Variants in PTPRT observed in about 807,000 individuals in gnomAD.
PTPRT encodes the protein receptor-type tyrosine-protein phosphatase T.
A neutral mutation model predicts 176.8 loss-of-function variants in PTPRT; 56 were observed. That is an observed-to-expected ratio of 0.32 (90% CI 0.26 to 0.40). The LOEUF (loss-of-function observed/expected upper bound fraction) is 0.40. PTPRT is among the 10% of genes least tolerant of loss of function. The pLI, the probability that PTPRT is intolerant of heterozygous loss-of-function variation, is 1.00. For synonymous variants in PTPRT, 783 were observed against 739.0 expected, an observed-to-expected ratio of 1.06 and a Z score of -0.96; for missense variants, 1,540 against 1,908.2, an observed-to-expected ratio of 0.81 and a Z score of 3.60.
chr20:42,312,809 T>C (rs867298286), intron 12 of PTPRT, among the ~76,000 whole-genome samples: 3 of 149,286 alleles, frequency 2.0e-5, no homozygotes, highest in African/African-American at 4.9e-5. Context: ...ATCCTTTTTT[T>C]TTTTTTTTTT....
intron 6 of PTPRT, among the ~76,000 whole-genome samples, chr20:42,753,075 G>C (rs1018832314): frequency 3.9e-5 from 6 of 152,164 alleles, no homozygotes; most frequent in African/African-American, 1.4e-4. Context: ...AAAATGGCAA[G>C]TTAGCTAGAC....
intron 6 of PTPRT, among the ~76,000 whole-genome samples, chr20:42,747,539 G>A (rs2076708267): frequency 6.6e-6 from 1 of 152,170 alleles, no homozygotes; most frequent in South Asian, 2.1e-4. Flanking sequence ...GGTGGGAGGT[G>A]GGGGAGAGTG....
intron 6 of PTPRT, among the ~76,000 whole-genome samples, chr20:42,724,617 A>T (rs968685695): frequency 6.6e-6 from 1 of 152,058 alleles, no homozygotes; most frequent in Admixed American, 6.5e-5. Context: ...TGTTTCCTCA[A>T]TTCTGCTCAT....
intron 1 of PTPRT, among the ~76,000 whole-genome samples, chr20:43,051,027 G>C (rs1381255000): frequency 6.6e-6 from 1 of 152,194 alleles, no homozygotes; most frequent in Non-Finnish European, 1.5e-5. Flanking sequence ...CACAAATCTA[G>C]AGCATCTGAA....
intron 16 of PTPRT, among the ~76,000 whole-genome samples, chr20:42,188,749 A>T (rs1347855821): frequency 6.6e-6 from 1 of 152,148 alleles, no homozygotes; most frequent in Non-Finnish European, 1.5e-5. Context: ...GTTATAATTC[A>T]AGACCACCTG....
chr20:42,112,841 C>T (rs1987075567), intron 22 of PTPRT, among the ~76,000 whole-genome samples: 1 of 152,162 alleles, frequency 6.6e-6, no homozygotes, highest in African/African-American at 2.4e-5. Context: ...AAATCAGATG[C>T]CCAGATGAAG....
At chr20:42,725,934 G>A (rs1193778114) in intron 6 of PTPRT, among the ~76,000 whole-genome samples, 1 of 151,840 alleles carries the variant, frequency 6.6e-6, no homozygotes, top group Non-Finnish European at 1.5e-5. Context: ...TGATTACGGT[G>A]GGCCCAGATA....
At chr20:42,968,341 T>C (rs1366057192) in intron 1 of PTPRT, among the ~76,000 whole-genome samples, 1 of 152,238 alleles carries the variant, frequency 6.6e-6, no homozygotes. Flanking sequence ...AGATTCATCC[T>C]TATCTGATTC....
intron 1 of PTPRT, among the ~76,000 whole-genome samples, chr20:43,187,977 G>A (rs1287005006): frequency 1.3e-5 from 2 of 152,240 alleles, no homozygotes; most frequent in East Asian, 3.9e-4. Flanking sequence ...ACAGCTTCCC[G>A]AGCCGGTACG....
chr20:42,758,564 ATTC>A (rs2076870751), intron 5 of PTPRT, among the ~76,000 whole-genome samples: 4 of 152,048 alleles, frequency 2.6e-5, no homozygotes, highest in African/African-American at 4.8e-5. Context: ...ACTTTTTCAC[ATTC>A]TTCAAACTTT....
chr20:42,201,073 G>A lies in PTPRT; in HGVS notation c.2343-1685C>T, dbSNP rs117854813. ...CTCATGCCTGTAATCCCAGCACGCT[G>A]GGAGGCTGAGCTGGGCAGATCACTT... On this transcript the variant is annotated intron_variant, in intron 15 of 30. Coordinates refer to ENST00000373187, the MANE Select transcript of PTPRT (RefSeq NM_007050.6). 1.3e-3 allele frequency among the ~76,000 whole-genome samples: 200 copies of A among 152,314 alleles called. 1 individual carries two copies. Among genetic ancestry groups the A allele is most frequent in the East Asian group, 0.01 (54 of 5,182 alleles).
chr20:42,303,805 A>G (rs2145321348), intron 12 of PTPRT, among the ~76,000 whole-genome samples: 2 of 152,242 alleles, frequency 1.3e-5, no homozygotes, highest in East Asian at 3.9e-4. Context: ...GATTAGAGAG[A>G]GCTTCAGAGT....
intron 1 of PTPRT, among the ~76,000 whole-genome samples, chr20:43,102,721 T>C (rs1014231831): frequency 2.6e-5 from 4 of 151,760 alleles, no homozygotes; most frequent in Non-Finnish European, 5.9e-5. Context: ...TCTCAGGAGG[T>C]TCCAGCAGGA....
At chr20:42,601,234 C>G (rs2073776130) in intron 7 of PTPRT, among the ~76,000 whole-genome samples, 1 of 152,156 alleles carries the variant, frequency 6.6e-6, no homozygotes, top group African/African-American at 2.4e-5. Flanking sequence ...TTGAGGGTCA[C>G]CTTTGGCTCT....
In PTPRT at chr20:43,180,341, A is replaced by ATCTCTCTCTCTCTCTCTCTC. The variant is rs71193679; in HGVS notation, c.88+9285_88+9304dup. On this transcript the variant is annotated intron_variant, in intron 1 of 30. Transcript: ENST00000373187. Reference sequence around the variant, plus strand: ...GCCAATTCCTATAAGAAATGAATCAATCTCTCTCTCTCTCTCTCTCTCTCT... The same window carrying ATCTCTCTCTCTCTCTCTCTC: ...GCCAATTCCTATAAGAAATGAATCAATCTCTCTCTCTCTCTCTCTCTCTCTCTCTCTCTCTCTCTCTCTCT... Among the ~76,000 whole-genome samples the ATCTCTCTCTCTCTCTCTCTC allele has an allele frequency of 7.7e-3, 888 of 115,000 alleles. 41 individuals carry two copies. Among genetic ancestry groups the ATCTCTCTCTCTCTCTCTCTC allele is most frequent in the African/African-American group, 0.025 (717 of 29,062 alleles). The allele number at this position is 115,000 out of a possible 152,430, so 75.4% of individuals were successfully genotyped here. A position where few individuals can be genotyped will look rare whatever the true frequency, so the allele number is the denominator to read the frequency against.
At chr20:42,170,491 A>C (rs952561176) in intron 16 of PTPRT, among the ~76,000 whole-genome samples, 1 of 152,214 alleles carries the variant, frequency 6.6e-6, no homozygotes, top group African/African-American at 2.4e-5. Flanking sequence ...AGCTAGAAAA[A>C]ATATTTACTG....
chr20:42,295,041 A>G (rs2057368573), intron 12 of PTPRT, among the ~76,000 whole-genome samples: 1 of 152,154 alleles, frequency 6.6e-6, no homozygotes, highest in Non-Finnish European at 1.5e-5. Context: ...GAGAGACAAA[A>G]TAGGTAGGTA....
chr20:42,768,459 C>T (rs1464063381), intron 5 of PTPRT, among the ~76,000 whole-genome samples: 2 of 150,148 alleles, frequency 1.3e-5, no homozygotes, highest in African/African-American at 4.8e-5. Context: ...CACAGGGACT[C>T]CTGGGAACAA....
chr20:42,296,882 T>C (rs576358786), intron 12 of PTPRT, among the ~76,000 whole-genome samples: 1 of 152,294 alleles, frequency 6.6e-6, no homozygotes, highest in South Asian at 2.1e-4. Context: ...CCATTCTCAA[T>C]GATGTACTTA....
Sources: allele counts gnomAD v4.1 joint callset (sites outside exome capture counted in the v4.1 genomes callset), GRCh38; gene constraint gnomAD v4.1.1; transcripts MANE v1.5; gene names NCBI Gene and HGNC (gene_info 2026-07-23, HGNC 2026-07-21).